The following RBMS3 variants were observed in gnomAD, a reference collection of about 807,000 sequenced individuals.
RBMS3 encodes RNA-binding motif, single-stranded-interacting protein 3.
RBMS3 carries 27 observed loss-of-function variants against 66.8 expected under a neutral mutation model. The observed-to-expected ratio is 0.40, with a 90% CI of 0.30 to 0.56. The LOEUF is 0.56. RBMS3 is among the 20% of genes least tolerant of loss of function. The pLI is 0.40. For synonymous variants in RBMS3, 188 were observed against 183.0 expected, an observed-to-expected ratio of 1.03 and a Z score of -0.22; for missense variants, 513 against 549.5, an observed-to-expected ratio of 0.93 and a Z score of 0.66.
intron 1 of RBMS3, among the ~76,000 whole-genome samples, chr3:29,329,972 A>G (rs972083288): frequency 1.3e-4 from 20 of 150,690 alleles, no homozygotes; most frequent in Non-Finnish European, 3.0e-4. Flanking sequence ...ATACTTTAAA[A>G]TCTTATTCAT....
At chr3:29,408,121 A>C (rs2040103134) in intron 1 of RBMS3, among the ~76,000 whole-genome samples, 1 of 151,148 alleles carries the variant, frequency 6.6e-6, no homozygotes. Context: ...AAATACAAAA[A>C]ATTAGCTGGG....
chr3:29,577,135 G>T (rs796532170), intron 3 of RBMS3, among the ~76,000 whole-genome samples: 3 of 152,166 alleles, frequency 2.0e-5, no homozygotes, highest in Non-Finnish European at 4.4e-5. Flanking sequence ...ATCCTTCCAG[G>T]ACTAGGTCCT....
At chr3:29,742,728 GTTTTCT>G (rs1470967653) in intron 5 of RBMS3, among the ~76,000 whole-genome samples, 1 of 152,100 alleles carries the variant, frequency 6.6e-6, no homozygotes, top group Non-Finnish European at 1.5e-5. Context: ...CTTGGGTCAA[GTTTTCT>G]TTTTCTTTGT....
At chr3:29,702,938 G>A (rs934276004) in intron 4 of RBMS3, among the ~76,000 whole-genome samples, 6 of 152,192 alleles carry the variant, frequency 3.9e-5, no homozygotes, top group Non-Finnish European at 1.5e-5. Context: ...ACAATAGGAA[G>A]CTGAAAAGAT....
intron 12 of RBMS3, among the ~76,000 whole-genome samples, chr3:29,950,276 G>T (rs1026768649): frequency 1.3e-5 from 2 of 151,972 alleles, no homozygotes; most frequent in South Asian, 4.1e-4. Context: ...TTCTGCAGTA[G>T]AATTTTTCAG....
chr3:29,449,480 T>TA (rs761003579), intron 2 of RBMS3, among the ~76,000 whole-genome samples: 10 of 152,258 alleles, frequency 6.6e-5, no homozygotes, highest in Non-Finnish European at 1.3e-4. Context: ...TTCTATCACT[T>TA]ACTGCCTATG....
intron 4 of RBMS3, among the ~76,000 whole-genome samples, chr3:29,657,890 A>G (rs2149223225): frequency 6.6e-6 from 1 of 152,334 alleles, no homozygotes; most frequent in South Asian, 2.1e-4. Context: ...AGTAGCCATG[A>G]AAAGCATAGG....
chr3:29,985,740 C>A (rs868084529), intron 12 of RBMS3, among the ~76,000 whole-genome samples: 2 of 152,098 alleles, frequency 1.3e-5, no homozygotes, highest in Non-Finnish European at 2.9e-5. Flanking sequence ...CAGAAGTCAC[C>A]CGCCTTCTGC....
At chr3:29,746,608 G>T (rs1372991210) in intron 5 of RBMS3, among the ~76,000 whole-genome samples, 1 of 151,752 alleles carries the variant, frequency 6.6e-6, no homozygotes, top group Non-Finnish European at 1.5e-5. Flanking sequence ...TCTTCTCCTT[G>T]CCTCTTTGTC....
At chr3:29,941,513 A>T (rs1334596784) in intron 11 of RBMS3, among the ~76,000 whole-genome samples, 2 of 151,834 alleles carry the variant, frequency 1.3e-5, no homozygotes, top group Middle Eastern at 3.2e-3. Flanking sequence ...ATATCTAAAA[A>T]GGTAATAGTT....
intron 1 of RBMS3, among the ~76,000 whole-genome samples, chr3:29,343,297 A>G (rs1451510817): frequency 1.3e-5 from 2 of 152,108 alleles, no homozygotes; most frequent in Non-Finnish European, 2.9e-5. Context: ...AGATATAGCC[A>G]GTTACCTAAG....
At chr3:29,407,928 G>T (rs564975900) in intron 1 of RBMS3, among the ~76,000 whole-genome samples, 136 of 152,144 alleles carry the variant, frequency 8.9e-4, no homozygotes, top group Non-Finnish European at 1.6e-3. Flanking sequence ...AGACATTATG[G>T]AACTCAGAGG....
At chr3:29,507,323 CATGA>C (rs1194118469) in intron 3 of RBMS3, among the ~76,000 whole-genome samples, 23 of 151,824 alleles carry the variant, frequency 1.5e-4, no homozygotes, top group Admixed American at 1.5e-3. Context: ...AAATTATACA[CATGA>C]ATGCAACCTT....
chr3:29,295,229 CTT>C (rs1030501512), intron 1 of RBMS3, among the ~76,000 whole-genome samples: 2 of 147,238 alleles, frequency 1.4e-5, no homozygotes, highest in South Asian at 4.2e-4. Flanking sequence ...CTCTGTCATA[CTT>C]TTTTTTATTG....
chr3:29,985,655 G>C (rs79875715), intron 12 of RBMS3, among the ~76,000 whole-genome samples: 9 of 152,126 alleles, frequency 5.9e-5, no homozygotes, highest in East Asian at 1.9e-4. Flanking sequence ...ACGCTGCTTC[G>C]GCTCACCCTC....
chr3:29,796,923 A>G (rs1201760157), intron 6 of RBMS3, among the ~76,000 whole-genome samples: 1 of 152,026 alleles, frequency 6.6e-6, no homozygotes, highest in African/African-American at 2.4e-5. Context: ...CATGTTGACC[A>G]GGATGGTCTC....
intron 5 of RBMS3, among the ~76,000 whole-genome samples, chr3:29,741,941 A>G (rs1031170556): frequency 6.6e-6 from 1 of 152,142 alleles, no homozygotes; most frequent in Non-Finnish European, 1.5e-5. Flanking sequence ...CCTCATTTTA[A>G]CTTAATTACC....
intron 6 of RBMS3, among the ~76,000 whole-genome samples, chr3:29,823,270 C>T (rs2058120013): frequency 6.6e-6 from 1 of 152,104 alleles, no homozygotes; most frequent in Admixed American, 6.6e-5. Flanking sequence ...ACTATCTTGA[C>T]TTTTAACAAA....
chr3:29,708,056 A>T (rs1049862891), intron 4 of RBMS3, among the ~76,000 whole-genome samples: 3 of 152,130 alleles, frequency 2.0e-5, no homozygotes, highest in South Asian at 2.1e-4. Flanking sequence ...CCGTTTAGAG[A>T]GTATCATGCC....
Sources: gnomAD v4.1 joint callset for allele counts (sites outside exome capture counted in the v4.1 genomes callset) on GRCh38, gnomAD v4.1.1 for gene constraint, MANE v1.5 for transcripts, NCBI Gene and HGNC (gene_info 2026-07-23, HGNC 2026-07-21) for gene names.